FAM177A1: variants seen among roughly 807,000 people sequenced by gnomAD.
The protein encoded by FAM177A1 is protein FAM177A1.
Under a neutral mutation model 26.1 loss-of-function variants are expected in FAM177A1, and 22 were observed. That is an observed-to-expected ratio of 0.84 (90% CI 0.60 to 1.20). FAM177A1 has a LOEUF of 1.20. Ranked by LOEUF, FAM177A1 falls within the 50% of genes most tolerant of loss-of-function variation. The pLI is 0.00. For synonymous variants in FAM177A1, 95 were observed against 99.3 expected (o/e 0.96, Z 0.26); for missense variants, 296 against 291.1 (o/e 1.02, Z -0.12).
At chr14:35,052,486 G>A (rs923559894) in intron 1 of FAM177A1, among the ~76,000 whole-genome samples, 1 of 151,990 alleles carries the variant, frequency 6.6e-6, no homozygotes, top group African/African-American at 2.4e-5. Context: ...TGGGATTACA[G>A]GTATGAGCCC....
chr14:35,046,298 T>A lies in FAM177A1; in HGVS notation c.-166T>A. The A allele has an allele frequency of 5.3e-6, 4 of 751,394 alleles. No homozygotes were observed. The highest frequency in any genetic ancestry group is 7.7e-6 in the Non-Finnish European group (4 of 516,474). The allele number at this position is 751,394 out of a possible 1,614,324, so 46.5% of individuals were successfully genotyped here. On this transcript the variant is annotated 5_prime_UTR_variant, in exon 1 of 5. Coordinates refer to ENST00000280987, the MANE Select transcript of FAM177A1 (RefSeq NM_173607.5). ...GACTGCAGTTGGCCAGCTCTCGGGG[T>A]GCGGAGCCCGGCGGGCTAGGCGAGG...
At chr14:35,056,216 G>C in intron 2 of FAM177A1, among the ~76,000 whole-genome samples, 1 of 151,644 alleles carries the variant, frequency 6.6e-6, no homozygotes, top group Admixed American at 6.6e-5. Flanking sequence ...TGTATTTTTA[G>C]TAGAGACATG....
intron 2 of FAM177A1, among the ~76,000 whole-genome samples, chr14:35,053,979 C>T (rs996173721): frequency 2.0e-5 from 3 of 151,946 alleles, no homozygotes; most frequent in South Asian, 2.1e-4. Flanking sequence ...GGGGACAGAG[C>T]GAGACTCTGT....
rs201685337 is a variant in FAM177A1, at chr14:35,077,150, A to T, written c.340A>T (p.Thr114Ser). The T allele has an allele frequency of 5.5e-5, 89 of 1,613,196 alleles. No individual in the cohort carries two copies. The highest frequency in any genetic ancestry group is 1.6e-4 in the Middle Eastern group (1 of 6,080). ...TTGCTAACATGATTTCTTGTTGCAG[A>T]CAAAACTTACCTGGGGTCCCTACTT... ...KKDVLPTVDP[T>S]KLTWGPYLWF... The change falls in exon 3 of 5, where the codon ACA becomes TCA. Residue 114 changes from threonine (T) to serine (S), a missense_variant and splice_region_variant. Thr to Ser is a moderately conservative substitution (Grantham distance 58, BLOSUM62 1). Coordinates refer to ENST00000280987, the MANE Select transcript of FAM177A1 (RefSeq NM_173607.5).
chr14:35,072,939 GGC>G (rs1201451244), intron 2 of FAM177A1, among the ~76,000 whole-genome samples: 11 of 152,122 alleles, frequency 7.2e-5, no homozygotes, highest in Non-Finnish European at 1.6e-4. Flanking sequence ...ACAACACTTG[GGC>G]ACAGTTTTCT....
intron 2 of FAM177A1, among the ~76,000 whole-genome samples, chr14:35,056,315 G>A (rs1595041150): frequency 1.3e-5 from 2 of 152,008 alleles, no homozygotes; most frequent in Non-Finnish European, 1.5e-5. Context: ...GATTACAGGC[G>A]TGAGCCACTG....
chr14:35,057,819 A>C (rs981995014), intron 2 of FAM177A1, among the ~76,000 whole-genome samples: 8 of 151,754 alleles, frequency 5.3e-5, no homozygotes, highest in Admixed American at 5.3e-4. Flanking sequence ...TTCTGATTTC[A>C]TGCCATTCTG....
chr14:35,080,242 CTACTAAGTTGTAAACTTCTTGAGG>C (rs1202523147), intron 4 of FAM177A1, among the ~76,000 whole-genome samples: 4 of 152,162 alleles, frequency 2.6e-5, no homozygotes, highest in African/African-American at 9.7e-5. Flanking sequence ...CTTAACTTCC[CTACTAAGTTGTAAACTTCTTGAGG>C]GTAGGTGCTG....
intron 2 of FAM177A1, among the ~76,000 whole-genome samples, chr14:35,068,563 C>T (rs1376984270): frequency 6.6e-6 from 1 of 152,180 alleles, no homozygotes; most frequent in Non-Finnish European, 1.5e-5. Context: ...TCTGGGATTC[C>T]TTCCTTATTA....
At chr14:35,074,560 A>G (rs888654267) in intron 2 of FAM177A1, among the ~76,000 whole-genome samples, 2 of 151,780 alleles carry the variant, frequency 1.3e-5, no homozygotes, top group Non-Finnish European at 2.9e-5. Flanking sequence ...TCCTGACCTC[A>G]GGTGATCCAC....
At chr14:35,073,580 C>T (rs1312347323) in intron 2 of FAM177A1, among the ~76,000 whole-genome samples, 2 of 152,114 alleles carry the variant, frequency 1.3e-5, no homozygotes, top group African/African-American at 4.8e-5. Flanking sequence ...AAAGGCAGTC[C>T]CTTATTAACA....
At chr14:35,064,354 T>A (rs941641963) in intron 2 of FAM177A1, among the ~76,000 whole-genome samples, 2 of 152,144 alleles carry the variant, frequency 1.3e-5, no homozygotes, top group African/African-American at 4.8e-5. Flanking sequence ...GCGACTGCAC[T>A]CCAGCCTGGG....
chr14:35,046,196 C>T (rs1465741858), upstream of FAM177A1: 3 of 312,836 alleles, frequency 9.6e-6, no homozygotes, highest in African/African-American at 6.5e-5. Context: ...TGGATGCTTG[C>T]TTGGCCGGAA....
intron 2 of FAM177A1, 45 bp downstream of exon 2, chr14:35,053,496 G>C (rs373444510): frequency 5.8e-5 from 93 of 1,592,224 alleles, no homozygotes; most frequent in Non-Finnish European, 7.8e-5. Context: ...GCTTTGTTTT[G>C]ATTTATTTTT....
chr14:35,046,802 G>A, intron 1 of FAM177A1, 174 bp downstream of exon 1: 1 of 1,376,924 alleles, frequency 7.3e-7, no homozygotes, highest in South Asian at 1.6e-5. Context: ...GGGAAGGAGC[G>A]CCCCCCGCCT....
chr14:35,067,012 A>G (rs1280506723), intron 2 of FAM177A1, among the ~76,000 whole-genome samples: 1 of 152,114 alleles, frequency 6.6e-6, no homozygotes, highest in Non-Finnish European at 1.5e-5. Flanking sequence ...GGCTAGTCTC[A>G]AACTCCCAAC....
chr14:35,053,207 AG>A (rs2045002687), intron 1 of FAM177A1, 70 bp from the exon 2 acceptor site: 1 of 1,421,694 alleles, frequency 7.0e-7, no homozygotes, highest in Non-Finnish European at 9.6e-7. Context: ...ACCTACCAAA[AG>A]TTTTTCACGT....
At chr14:35,055,771 T>C (rs1453747635) in intron 2 of FAM177A1, among the ~76,000 whole-genome samples, 1 of 152,148 alleles carries the variant, frequency 6.6e-6, no homozygotes, top group Non-Finnish European at 1.5e-5. Flanking sequence ...CCAAAGTGGC[T>C]GCACTATTTT....
At chr14:35,053,477 C>A (rs1186000301) in intron 2 of FAM177A1, 26 bp downstream of exon 2, 9 of 1,607,596 alleles carry the variant, frequency 5.6e-6, no homozygotes, top group Non-Finnish European at 7.6e-6. Flanking sequence ...ATGATTCTTT[C>A]CTCAGTGGGC....
Sources: allele counts gnomAD v4.1 joint callset (sites outside exome capture counted in the v4.1 genomes callset), GRCh38; gene constraint gnomAD v4.1.1; transcripts MANE v1.5; gene names NCBI Gene and HGNC (gene_info 2026-07-23, HGNC 2026-07-21).